Variants in RNF38 observed in about 807,000 individuals in gnomAD.
RNF38 encodes the protein E3 ubiquitin-protein ligase RNF38.
Under a neutral mutation model 67.2 loss-of-function variants are expected in RNF38, and 15 were observed. The observed-to-expected ratio is 0.22, with a 90% CI of 0.15 to 0.34. The LOEUF is 0.34. RNF38 is among the 10% of genes least tolerant of loss of function. RNF38 has a pLI of 1.00. For synonymous variants in RNF38, 220 were observed against 218.8 expected (o/e 1.01, Z -0.05); for missense variants, 524 against 639.9 (o/e 0.82, Z 1.95).
At chr9:36,427,681 A>G (rs1006483898) in intron 1 of RNF38, among the ~76,000 whole-genome samples, 26 of 144,678 alleles carry the variant, frequency 1.8e-4, no homozygotes, top group African/African-American at 6.2e-4. Flanking sequence ...CTATCTATCT[A>G]TCTATCTATC....
chr9:36,487,495 G>A (rs1356086026), exon 1 of RNF38: 1 of 980,728 alleles, frequency 1.0e-6, no homozygotes, highest in Non-Finnish European at 1.2e-6. Context: ...GAGGCTGAAA[G>A]TGCGCGGCGG....
chr9:36,394,657 C>A (rs1837388608), intron 1 of RNF38, among the ~76,000 whole-genome samples: 1 of 152,226 alleles, frequency 6.6e-6, no homozygotes, highest in South Asian at 2.1e-4. Context: ...GTTTAACAGA[C>A]TTGCTTAAAG....
In RNF38 at chr9:36,397,081, G is replaced by GTGTATATA. The variant is rs147500340; in HGVS notation, c.12+3015_12+3016insTATATACA. Among the ~76,000 whole-genome samples the GTGTATATA allele has an allele frequency of 1.4e-3, 205 of 141,656 alleles. 1 individual carries two copies. The highest frequency in any genetic ancestry group is 7.9e-3 in the South Asian group (36 of 4,550). The allele number at this position is 141,656 out of a possible 152,430, so 92.9% of individuals were successfully genotyped here. A position where few individuals can be genotyped will look rare whatever the true frequency, so the allele number is the denominator to read the frequency against. On this transcript the variant is annotated intron_variant, in intron 1 of 11. Transcript: ENST00000259605. ...TATATACGTATATATATGTGTGTGT[G>GTGTATATA]TATATATATATATATATGTTTTGTT...
rs930918721 is a variant in RNF38 at position 36,351,057 on chromosome 9, G to A, written c.1263+58C>T. The A allele has an allele frequency of 1.1e-5, 14 of 1,242,436 alleles. No individual in the cohort carries two copies. In the African/African-American group the frequency reaches 1.9e-4, roughly 17 times the overall value. The allele number at this position is 1,242,436 out of a possible 1,614,324, so 77.0% of individuals were successfully genotyped here. ...CACCTGTGGTTTAAAGAGTTAAGTA[G>A]AATAATACTTTCATGCACACAATAT... On this transcript the variant is annotated intron_variant, in intron 9 of 11. Transcript: ENST00000259605.
chr9:36,463,663 A>G (rs1268305767), intron 1 of RNF38, among the ~76,000 whole-genome samples: 1 of 152,188 alleles, frequency 6.6e-6, no homozygotes, highest in Non-Finnish European at 1.5e-5. Context: ...AAATACAAAG[A>G]TATGTACATA....
upstream of RNF38, chr9:36,400,373 C>T (rs1326412160): frequency 1.7e-6 from 2 of 1,180,146 alleles, no homozygotes; most frequent in Non-Finnish European, 2.1e-6. Flanking sequence ...GGCCATCTGC[C>T]GGGCAGCGGG....
At chr9:36,458,465 A>C (rs561681776) in intron 1 of RNF38, among the ~76,000 whole-genome samples, 31 of 152,304 alleles carry the variant, frequency 2.0e-4, no homozygotes, top group African/African-American at 7.2e-4. Flanking sequence ...TTGGGTCTGC[A>C]CTACCTTTAT....
chr9:36,353,236 T>C lies in RNF38; in HGVS notation c.1005A>G (p.Leu335=). 6.2e-7 allele frequency: 1 copy of C among 1,612,870 alleles called. No individual in the cohort carries two copies. Among genetic ancestry groups the C allele is most frequent in the Non-Finnish European group, 8.5e-7 (1 of 1,179,096 alleles). Residue 335 remains leucine (L), a synonymous_variant, in exon 7 of 12, where the codon TTA becomes TTG. Coordinates refer to ENST00000259605, the MANE Select transcript of RNF38 (RefSeq NM_022781.5). ...TYPPSAHPPT[L]PPSAPLQFLT... is the part of the protein sequence containing the mutation. ...AGAACTGCAAGGGAGCTGATGGAGG[T>C]AATGTTGGGGGGTGGGCTGATGGAG...
At chr9:36,395,133 C>A (rs1643973422) in intron 1 of RNF38, among the ~76,000 whole-genome samples, 4 of 152,192 alleles carry the variant, frequency 2.6e-5, no homozygotes. Flanking sequence ...TAAGCATCAA[C>A]ACTACTATTT....
intron 6 of RNF38, among the ~76,000 whole-genome samples, chr9:36,353,575 T>C (rs1833859298): frequency 6.6e-6 from 1 of 152,170 alleles, no homozygotes; most frequent in African/African-American, 2.4e-5. Context: ...TTACCCTCTA[T>C]TTATTTTACT....
chr9:36,431,371 T>TA (rs1241118095), intron 1 of RNF38, among the ~76,000 whole-genome samples: 1 of 152,178 alleles, frequency 6.6e-6, no homozygotes, highest in African/African-American at 2.4e-5. Context: ...TAGGCAACTG[T>TA]AACACAATGG....
intron 8 of RNF38, 95 bp downstream of exon 8, chr9:36,352,645 AAC>A: frequency 1.1e-6 from 1 of 930,464 alleles, no homozygotes; most frequent in Non-Finnish European, 1.7e-6. Flanking sequence ...ACAAATAACT[AAC>A]ACACCAAAAG....
At chr9:36,464,674 T>C (rs1429257542) in intron 1 of RNF38, among the ~76,000 whole-genome samples, 2 of 152,076 alleles carry the variant, frequency 1.3e-5, no homozygotes, top group Non-Finnish European at 2.9e-5. Context: ...AACTGCAATA[T>C]TCACCCAATA....
At chr9:36,369,285 T>G (rs1187961600) in intron 4 of RNF38, among the ~76,000 whole-genome samples, 1 of 152,234 alleles carries the variant, frequency 6.6e-6, no homozygotes, top group Non-Finnish European at 1.5e-5. Flanking sequence ...TGCCACCCAG[T>G]GCAGTGGTGC....
At position 36,336,997 on chromosome 9, in the gene RNF38, C is replaced by CAAAG. The variant is rs1490266621; in HGVS notation, c.*2751_*2754dup. The CAAAG allele has an allele frequency of 2.0e-5, 3 of 151,806 alleles. No individual in the cohort carries two copies. Among genetic ancestry groups the CAAAG allele is most frequent in the Non-Finnish European group, 1.5e-5 (1 of 67,962 alleles). 9.4% of individuals were successfully genotyped at this position (151,806 alleles called of 1,614,324 possible). ...GAGGGGCTGGGGGTTAAAAAAACAC[C>CAAAG]AAAGATGACAATTCATGCCAAAAAA... On this transcript the variant is annotated 3_prime_UTR_variant, in exon 12 of 12. Coordinates refer to ENST00000259605, the MANE Select transcript of RNF38 (RefSeq NM_022781.5).
At chr9:36,347,437 C>T (rs902500719) in intron 9 of RNF38, among the ~76,000 whole-genome samples, 1 of 152,202 alleles carries the variant, frequency 6.6e-6, no homozygotes, top group African/African-American at 2.4e-5. Context: ...ATTTTTCCAA[C>T]AGTCATGTAG....
intron 1 of RNF38, among the ~76,000 whole-genome samples, chr9:36,474,167 G>C (rs952481920): frequency 1.3e-5 from 2 of 151,440 alleles, no homozygotes; most frequent in Non-Finnish European, 2.9e-5. Context: ...CAAAAAATTA[G>C]CCGGGCGTGG....
chr9:36,452,509 G>A (rs1839477579), intron 1 of RNF38, among the ~76,000 whole-genome samples: 1 of 150,326 alleles, frequency 6.7e-6, no homozygotes, highest in Admixed American at 6.6e-5. Flanking sequence ...GTTCATCCAT[G>A]TTGTGGCATG....
At chr9:36,380,501 G>GTT (rs35339857) in intron 2 of RNF38, among the ~76,000 whole-genome samples, 7 of 148,224 alleles carry the variant, frequency 4.7e-5, no homozygotes, top group Non-Finnish European at 9.0e-5. Context: ...CGCCCGGCCT[G>GTT]TTTTTTTTTT....
Sources: allele counts gnomAD v4.1 joint callset (sites outside exome capture counted in the v4.1 genomes callset), GRCh38; gene constraint gnomAD v4.1.1; transcripts MANE v1.5; gene names NCBI Gene and HGNC (gene_info 2026-07-23, HGNC 2026-07-21).